Variants in SUMF2 observed in about 807,000 individuals in gnomAD.
SUMF2 encodes inactive C-alpha-formylglycine-generating enzyme 2.
A neutral mutation model predicts 44.8 loss-of-function variants in SUMF2; 45 were observed. The ratio of observed to expected loss-of-function variants is 1.00; its 90% CI spans 0.79 to 1.29. The LOEUF (loss-of-function observed/expected upper bound fraction) is 1.29. Ranked by LOEUF, SUMF2 falls within the 50% of genes most tolerant of loss-of-function variation. SUMF2 has a pLI of 0.00. For synonymous variants in SUMF2, 148 were observed against 150.4 expected (o/e 0.98, Z 0.12); for missense variants, 418 against 389.9 (o/e 1.07, Z -0.61).
chr7:56,068,743 C>T (rs1794978112), intron 2 of SUMF2, 105 bp downstream of exon 2: 15 of 1,373,510 alleles, frequency 1.1e-5, no homozygotes, highest in African/African-American at 1.5e-5. Context: ...CCTCTGTCAC[C>T]CAGGTGCTGG....
intron 5 of SUMF2, among the ~76,000 whole-genome samples, chr7:56,075,521 C>G (rs1795477126): frequency 6.6e-6 from 1 of 151,456 alleles, no homozygotes; most frequent in Admixed American, 6.6e-5. Context: ...ACAGTGAAAC[C>G]CCGTCTCTAC....
At chr7:56,079,006 TC>T in intron 8 of SUMF2, 1 of 619,434 alleles carries the variant, frequency 1.6e-6, no homozygotes, top group South Asian at 1.9e-5. Flanking sequence ...TAGCGATTCT[TC>T]CACCTCAGCT....
intron 2 of SUMF2, among the ~76,000 whole-genome samples, chr7:56,071,774 G>A (rs1304927711): frequency 7.1e-6 from 1 of 140,868 alleles, no homozygotes; most frequent in African/African-American, 2.6e-5. Context: ...CATAGAGTGA[G>A]ACTCCGTCTA....
intron 1 of SUMF2, among the ~76,000 whole-genome samples, chr7:56,066,910 G>A (rs1398407236): frequency 3.3e-5 from 5 of 152,188 alleles, no homozygotes; most frequent in Non-Finnish European, 5.9e-5. Flanking sequence ...GTGAGCCATC[G>A]CACCTGGCCA....
chr7:56,081,161 G>A (rs1425155184), downstream of SUMF2: 5 of 1,613,876 alleles, frequency 3.1e-6, no homozygotes, highest in Admixed American at 3.3e-5. The surrounding 1 kb of genome is among the most constrained non-coding windows in gnomAD (Gnocchi z 4.6). Flanking sequence ...CCATAGATTC[G>A]GAAAGCGTAG....
At chr7:56,079,112 A>C (rs913893127) in intron 8 of SUMF2, 2 of 483,934 alleles carry the variant, frequency 4.1e-6, no homozygotes, top group Non-Finnish European at 7.3e-6. Flanking sequence ...GGACTCAAGC[A>C]ATCAGCCCGC....
At chr7:56,072,201 G>C (rs536987796) in intron 2 of SUMF2, among the ~76,000 whole-genome samples, 3 of 152,100 alleles carry the variant, frequency 2.0e-5, no homozygotes, top group South Asian at 2.1e-4. Flanking sequence ...CACTTTGGGT[G>C]GATCACCTGA....
At chr7:56,084,335 C>T (rs1796157480), downstream of SUMF2, 1 of 691,930 alleles carries the variant, frequency 1.4e-6, no homozygotes, top group East Asian at 2.8e-5. Flanking sequence ...TGGCCCAGGA[C>T]CCCAGACCCA....
At chr7:56,086,958 C>T in the SUMF2 span, 4 of 1,609,006 alleles carry the variant, frequency 2.5e-6, no homozygotes, top group Non-Finnish European at 3.4e-6. Flanking sequence ...TGCTCCAGTG[C>T]TGGGTACTTA....
At chr7:56,066,444 T>C (rs1306262131) in intron 1 of SUMF2, among the ~76,000 whole-genome samples, 1 of 151,986 alleles carries the variant, frequency 6.6e-6, no homozygotes, top group Admixed American at 6.6e-5. Flanking sequence ...TTTTTTATTT[T>C]TTATTTATTT....
intron 2 of SUMF2, among the ~76,000 whole-genome samples, chr7:56,069,606 GTTA>G (rs1160958179): frequency 1.3e-5 from 2 of 151,830 alleles, no homozygotes; most frequent in Middle Eastern, 3.4e-3. Context: ...TATTGTTATT[GTTA>G]TTATTTTTTT....
chr7:56,073,321 C>A, intron 3 of SUMF2: 1 of 619,174 alleles, frequency 1.6e-6, no homozygotes, highest in Non-Finnish European at 3.0e-6. Flanking sequence ...GCCTAAATGT[C>A]CAAGTCAGGA....
chr7:56,074,281 C>A (rs1177558264), intron 4 of SUMF2, 63 bp downstream of exon 4: 1 of 1,499,838 alleles, frequency 6.7e-7, no homozygotes, highest in Non-Finnish European at 9.3e-7. Flanking sequence ...CCAGGCCCAG[C>A]CTCCTCTCTA....
downstream of SUMF2, chr7:56,083,585 AC>A: frequency 1.3e-6 from 2 of 1,500,598 alleles, no homozygotes; most frequent in Non-Finnish European, 1.8e-6. Flanking sequence ...CTCCCCTGAG[AC>A]CCCAGTGCCT....
intron 8 of SUMF2, chr7:56,078,875 C>T (rs1019273427): frequency 6.5e-6 from 3 of 463,022 alleles, no homozygotes; most frequent in Non-Finnish European, 1.1e-5. Flanking sequence ...CTTACTGACT[C>T]TTCAAACTGG....
downstream of SUMF2, chr7:56,082,038 G>A (rs940268562): frequency 1.2e-6 from 2 of 1,612,736 alleles, no homozygotes; most frequent in African/African-American, 1.3e-5. Context: ...GATGACGCCA[G>A]TGCTCCACCT....
In SUMF2 at chr7:56,073,648, GA is replaced by G. The variant is rs922599820; in HGVS notation, c.340-515del. ...GACAGAGTGAGACTGTGTCTCAAAA[GA>G]AAAAAAAAAAGAGAGATCACCTTGG... On this transcript the variant is annotated intron_variant, in intron 3 of 8. Coordinates refer to ENST00000434526, the MANE Select transcript of SUMF2 (RefSeq NM_015411.4). 4.6e-3 allele frequency: 685 copies of G among 149,562 alleles called. 2 individuals are homozygous for G. Among genetic ancestry groups the G allele is most frequent in the South Asian group, 0.015 (90 of 6,062 alleles). 9.3% of individuals were successfully genotyped at this position (149,562 alleles called of 1,614,324 possible). A position where few individuals can be genotyped will look rare whatever the true frequency, so the allele number is the denominator to read the frequency against.
At chr7:56,078,596 C>T (rs966716706) in intron 8 of SUMF2, 88 bp downstream of exon 8, 2 of 1,395,578 alleles carry the variant, frequency 1.4e-6, no homozygotes, top group Non-Finnish European at 1.9e-6. Flanking sequence ...TACCTTCACA[C>T]CACCAACCGT....
chr7:56,081,068 C>A (rs141230469), downstream of SUMF2: 3 of 1,612,410 alleles, frequency 1.9e-6, no homozygotes, highest in South Asian at 3.3e-5. This position sits in a 1 kb window ranked among gnomAD's most constrained non-coding sequence, Gnocchi z 4.6. Flanking sequence ...TAGTCCTCCT[C>A]GGCCAGGGAG....
Sources: allele counts gnomAD v4.1 joint callset (sites outside exome capture counted in the v4.1 genomes callset), GRCh38; gene constraint gnomAD v4.1.1; non-coding constraint Gnocchi (gnomAD v3.1); transcripts MANE v1.5; gene names NCBI Gene and HGNC (gene_info 2026-07-23, HGNC 2026-07-21).